The following ARPP21 variants were observed in gnomAD, a reference collection of about 807,000 sequenced individuals.
ARPP21 encodes cAMP regulated phosphoprotein 21.
In ARPP21, 69 loss-of-function variants were observed where a neutral mutation model predicts 113.2. The observed-to-expected ratio is 0.61, with a 90% confidence interval of 0.50 to 0.74. ARPP21 has a LOEUF of 0.74. Ranked by LOEUF, ARPP21 falls within the 30% of genes least tolerant of loss-of-function variation. The pLI, the probability that ARPP21 is intolerant of heterozygous loss-of-function variation, is 0.00. For synonymous variants in ARPP21, 368 were observed against 375.5 expected (o/e 0.98, Z 0.23); for missense variants, 1,070 against 1,037.4 (o/e 1.03, Z -0.43).
chr3:35,729,126 A>G (rs1221371462), intron 14 of ARPP21, among the ~76,000 whole-genome samples, 177 bp from the exon 15 acceptor site: 1 of 152,202 alleles, frequency 6.6e-6, no homozygotes, highest in Non-Finnish European at 1.5e-5. Context: ...TAAGTAGCAA[A>G]TATTTCAATA....
chr3:35,695,625 G>A (rs964668884), intron 9 of ARPP21, among the ~76,000 whole-genome samples: 1 of 151,520 alleles, frequency 6.6e-6, no homozygotes, highest in African/African-American at 2.4e-5. Flanking sequence ...ATTCATTGGG[G>A]ACTACCTGCC....
intron 15 of ARPP21, among the ~76,000 whole-genome samples, chr3:35,732,604 A>C (rs1332327569): frequency 6.6e-6 from 1 of 152,158 alleles, no homozygotes; most frequent in African/African-American, 2.4e-5. Flanking sequence ...TTGTTGGGCT[A>C]TTTTACTTCA....
intron 1 of ARPP21, among the ~76,000 whole-genome samples, chr3:35,669,061 T>G: frequency 6.6e-6 from 1 of 152,156 alleles, no homozygotes; most frequent in East Asian, 1.9e-4. Flanking sequence ...ATTAATACAT[T>G]CCTCCAAATA....
At chr3:35,712,275 T>C (rs1385413309) in intron 11 of ARPP21, among the ~76,000 whole-genome samples, 1 of 152,214 alleles carries the variant, frequency 6.6e-6, no homozygotes, top group East Asian at 1.9e-4. Context: ...TTTAGTTTAG[T>C]TTCTTCATAA....
Position 35,729,551 on chromosome 3 carries a change from G to GTAC in ARPP21, c.1459+15_1459+16insTAC. On this transcript the variant is annotated intron_variant, in intron 15 of 20. Transcript: ENST00000684406. ...TCCACACACAGGTGAGTTACTACCT[G>GTAC]CTTTATCAGGGACACAAGGCTTTCA... is the stretch of plus-strand genomic sequence containing the variant. 6 of 1,588,092 alleles carry GTAC rather than the reference G, an allele frequency of 3.8e-6. No homozygotes were observed. Among genetic ancestry groups the GTAC allele is most frequent in the Non-Finnish European group, 5.2e-6 (6 of 1,156,488 alleles).
At chr3:35,744,672 C>T (rs2094906385) in intron 19 of ARPP21, 2 of 304,718 alleles carry the variant, frequency 6.6e-6, no homozygotes, top group African/African-American at 4.5e-5. Context: ...GCAGGAAAAA[C>T]TGCTAATTGT....
At chr3:35,682,760 T>C (rs1208877058) in intron 3 of ARPP21, 88 bp from the exon 4 acceptor site, 4 of 1,167,170 alleles carry the variant, frequency 3.4e-6, no homozygotes, top group South Asian at 1.6e-5. Flanking sequence ...TTTTCTCTCT[T>C]TCTTTCTCTC....
At chr3:35,716,099 A>T (rs1372281892) in intron 12 of ARPP21, among the ~76,000 whole-genome samples, 1 of 152,128 alleles carries the variant, frequency 6.6e-6, no homozygotes, top group East Asian at 1.9e-4. Flanking sequence ...GATAAGAGCA[A>T]AAATTTTTCA....
At chr3:35,746,908 T>C (rs1302432426) in intron 19 of ARPP21, among the ~76,000 whole-genome samples, 2 of 152,198 alleles carry the variant, frequency 1.3e-5, no homozygotes, top group Non-Finnish European at 2.9e-5. Flanking sequence ...GTTGATTAAA[T>C]AGGACACCTG....
chr3:35,651,195 A>G (rs1398130951), intron 1 of ARPP21, among the ~76,000 whole-genome samples: 1 of 152,064 alleles, frequency 6.6e-6, no homozygotes, highest in Non-Finnish European at 1.5e-5. Flanking sequence ...TTTTTAAAGA[A>G]AAAGATGCAT....
chr3:35,734,537 T>C (rs1559785941), intron 15 of ARPP21, among the ~76,000 whole-genome samples: 3 of 152,230 alleles, frequency 2.0e-5, no homozygotes. Context: ...TGCTTCCCCA[T>C]CACAGCACAT....
In ARPP21 at chr3:35,717,300, G is replaced by A. The variant is rs574844611; in HGVS notation, c.938G>A (p.Arg313Lys). 32 of 1,594,220 alleles carry A rather than the reference G, an allele frequency of 2.0e-5. No homozygotes were observed. The Admixed American group carries it at 2.7e-4, about 13-fold the overall frequency. The change falls in exon 13 of 21, where the codon AGG becomes AAG. Residue 313 changes from arginine (R) to lysine (K), a missense_variant and splice_region_variant. Arg to Lys is a conservative substitution (Grantham distance 26, BLOSUM62 2). Coordinates refer to ENST00000684406, the MANE Select transcript of ARPP21 (RefSeq NM_001385562.1). ...AAAATCATGTTTTTCATTTCCAGTA[G>A]GCTCTTGGAAGACAGTAACATATGC... ...SQESLFVENS[R>K]LLEDSNICNE...
intron 1 of ARPP21, among the ~76,000 whole-genome samples, chr3:35,656,597 CAT>C (rs1366537114): frequency 1.3e-5 from 2 of 151,944 alleles, no homozygotes; most frequent in Non-Finnish European, 2.9e-5. Flanking sequence ...ATTTATATCA[CAT>C]GTCAAAATGA....
At position 35,793,916 on chromosome 3, in the gene ARPP21, C is replaced by G. The variant is rs577917589; in HGVS notation, c.2502C>G (p.Asn834Lys). Reference protein sequence around the residue: ...VPVMSASCRTNCASMSNAGWQ... With the variant: ...VPVMSASCRTKCASMSNAGWQ... ...TGATGTCAGCTAGCTGCAGAACAAA[C>G]TGTGCAAGTATGAGCAATGCTGGTT... Residue 834 changes from asparagine to lysine, a missense_variant, in exon 21 of 21, where the codon AAC becomes AAG. Asn to Lys is a moderately conservative substitution (Grantham distance 94). Transcript: ENST00000684406. The G allele has an allele frequency of 6.2e-7, 1 of 1,614,006 alleles. No homozygotes were observed.
chr3:35,663,887 G>A (rs1708953912), intron 1 of ARPP21, among the ~76,000 whole-genome samples: 1 of 152,146 alleles, frequency 6.6e-6, no homozygotes, highest in Admixed American at 6.5e-5. Flanking sequence ...GCCATACTTG[G>A]CATCTCAAAA....
chr3:35,710,343 G>A (rs2090654012), intron 11 of ARPP21, among the ~76,000 whole-genome samples: 1 of 151,950 alleles, frequency 6.6e-6, no homozygotes, highest in South Asian at 2.1e-4. Flanking sequence ...ACATATGGTG[G>A]GCCTTTAATT....
intron 19 of ARPP21, among the ~76,000 whole-genome samples, chr3:35,772,327 T>G (rs941554484): frequency 6.6e-6 from 1 of 152,206 alleles, no homozygotes; most frequent in Non-Finnish European, 1.5e-5. Context: ...CAGTTCTGTT[T>G]GAATTTTAGA....
At chr3:35,734,824 C>G (rs7649761) in intron 15 of ARPP21, among the ~76,000 whole-genome samples, 55,514 of 151,982 alleles carry the variant, frequency 0.37, 11,212 homozygotes, top group East Asian at 0.72. Context: ...AATATATAGG[C>G]GAAGTGCATG....
chr3:35,685,261 T>A (rs2080214301), intron 5 of ARPP21: 15 of 985,150 alleles, frequency 1.5e-5, no homozygotes, highest in African/African-American at 1.7e-5. Context: ...ATACAATTGG[T>A]GCAGAGAAAT....
Sources: gnomAD v4.1 joint callset for allele counts (sites outside exome capture counted in the v4.1 genomes callset) on GRCh38, gnomAD v4.1.1 for gene constraint, MANE v1.5 for transcripts, NCBI Gene and HGNC (gene_info 2026-07-23, HGNC 2026-07-21) for gene names.